Variants in PDS5A observed in about 807,000 individuals in gnomAD.
PDS5A encodes sister chromatid cohesion protein PDS5 homolog A.
In PDS5A, 42 loss-of-function variants were observed where a neutral mutation model predicts 167.1. The observed-to-expected ratio is 0.25, with a 90% CI of 0.20 to 0.33. PDS5A has a LOEUF of 0.33. PDS5A is among the 10% of genes least tolerant of loss of function. The pLI, the probability that PDS5A is intolerant of heterozygous loss-of-function variation, is 1.00. For synonymous variants in PDS5A, 553 were observed against 554.6 expected (o/e 1.00, Z 0.04); for missense variants, 1,033 against 1,605.9 (o/e 0.64, Z 6.10).
rs2109692108 is a variant in PDS5A, at chr4:39,913,849, TATC to T, written c.877-126_877-124del. ...GCTTATAACTGTGAGAAGTTTAAAATATCATATGTCCTCACTTACTATGCAGAA... is the reference window on the plus strand; with the variant it reads ...GCTTATAACTGTGAGAAGTTTAAAATATATGTCCTCACTTACTATGCAGAA... On this transcript the variant is annotated intron_variant, in intron 8 of 32. Coordinates refer to ENST00000303538, the MANE Select transcript of PDS5A (RefSeq NM_001100399.2). 18 of 644,624 alleles carry T rather than the reference TATC, an allele frequency of 2.8e-5. No homozygotes were observed. The South Asian group carries it at 3.0e-4, about 11-fold the overall frequency. 39.9% of individuals were successfully genotyped at this position (644,624 alleles called of 1,614,324 possible).
chr4:39,970,623 T>C (rs538139489), intron 2 of PDS5A, among the ~76,000 whole-genome samples: 47 of 151,880 alleles, frequency 3.1e-4, no homozygotes, highest in Non-Finnish European at 2.1e-4. Context: ...TATGGCGTTA[T>C]TGCCCCTGCC....
chr4:39,891,672 A>C (rs550667046), intron 16 of PDS5A, among the ~76,000 whole-genome samples: 25 of 130,134 alleles, frequency 1.9e-4, no homozygotes. Context: ...ACATATTCGT[A>C]CATATATATA....
chr4:39,929,931 G>A (rs1725855880), intron 2 of PDS5A, among the ~76,000 whole-genome samples: 1 of 150,928 alleles, frequency 6.6e-6, no homozygotes, highest in Non-Finnish European at 1.5e-5. Flanking sequence ...AAAAAATTTG[G>A]GGGGCCGGGC....
chr4:39,946,285 G>C (rs1265655437), intron 2 of PDS5A, among the ~76,000 whole-genome samples: 3 of 151,644 alleles, frequency 2.0e-5, no homozygotes, highest in Non-Finnish European at 4.4e-5. Flanking sequence ...GTGGGAAAAA[G>C]GCAGATGGAA....
Position 39,904,032 on chromosome 4 carries a change from A to C in PDS5A, c.1385+8T>G. ...CACTCAACCATTCTACCAACATATT[A>C]AACTCACTTGTCGTCAATGCTGTTC... On this transcript the variant is annotated splice_region_variant and intron_variant, in intron 12 of 32. Transcript: ENST00000303538. The C allele has an allele frequency of 6.4e-7, 1 of 1,566,922 alleles. No individual in the cohort carries two copies. Among genetic ancestry groups the C allele is most frequent in the Non-Finnish European group, 8.7e-7 (1 of 1,153,926 alleles).
chr4:39,970,803 T>C (rs1560529158), intron 2 of PDS5A, among the ~76,000 whole-genome samples: 2 of 147,336 alleles, frequency 1.4e-5, no homozygotes, highest in East Asian at 2.0e-4. Flanking sequence ...TTTTTTTTTT[T>C]TTTTTTTTTT....
chr4:39,911,004 T>C (rs755747539), intron 9 of PDS5A, among the ~76,000 whole-genome samples: 2 of 151,982 alleles, frequency 1.3e-5, no homozygotes, highest in Non-Finnish European at 2.9e-5. Flanking sequence ...CGTGGAGGCA[T>C]TCCCCTGTAG....
intron 8 of PDS5A, among the ~76,000 whole-genome samples, chr4:39,915,429 G>A (rs945616533): frequency 3.4e-5 from 5 of 146,550 alleles, no homozygotes; most frequent in Admixed American, 2.1e-4. Flanking sequence ...GAGCAACCTC[G>A]GTTCACTATA....
intron 26 of PDS5A, among the ~76,000 whole-genome samples, chr4:39,854,175 T>C (rs1047688117): frequency 7.2e-5 from 11 of 152,172 alleles, no homozygotes; most frequent in African/African-American, 2.4e-4. Flanking sequence ...TCGTGGTGCA[T>C]GCCTGTAGTC....
At chr4:39,837,822 A>T (rs138725256) in intron 32 of PDS5A, 34 bp downstream of exon 32, 1 of 1,499,866 alleles carries the variant, frequency 6.7e-7, no homozygotes, top group African/African-American at 1.4e-5. Flanking sequence ...CAAAATGTCT[A>T]AATTCCCACT....
chr4:39,901,112 T>C (rs1427086141), intron 13 of PDS5A, among the ~76,000 whole-genome samples: 1 of 152,188 alleles, frequency 6.6e-6, no homozygotes, highest in Non-Finnish European at 1.5e-5. Context: ...CCAGATGACC[T>C]CTGAGAATTA....
chr4:39,973,251 T>C, intron 2 of PDS5A: 1 of 1,452,620 alleles, frequency 6.9e-7, no homozygotes, highest in South Asian at 1.1e-5. Context: ...CTCTCGAGCA[T>C]ATGAACATTT....
Position 39,902,331 on chromosome 4 carries a change from T to C in PDS5A, c.1499+16A>G, listed in dbSNP as rs757625453. 4 of 1,158,968 alleles carry C rather than the reference T, an allele frequency of 3.5e-6. No homozygotes were observed. Among genetic ancestry groups the C allele is most frequent in the South Asian group, 2.7e-5 (2 of 73,604 alleles). The allele number at this position is 1,158,968 out of a possible 1,614,324, so 71.8% of individuals were successfully genotyped here. A position where few individuals can be genotyped will look rare whatever the true frequency, so the allele number is the denominator to read the frequency against. On this transcript the variant is annotated intron_variant, in intron 13 of 32. Transcript: ENST00000303538. The stretch of plus-strand genomic sequence containing the variant: ...AATCCTTAGAAAATACAGCAGTTAT[T>C]TGAAAAGTAACTTACTTTACAGCAT...
chr4:39,897,133 C>G (rs541468195), intron 16 of PDS5A, among the ~76,000 whole-genome samples: 1 of 152,190 alleles, frequency 6.6e-6, no homozygotes, highest in Admixed American at 6.5e-5. Flanking sequence ...GTGGCTCATG[C>G]CTGTAACCCC....
At chr4:39,866,572 CTTGT>C (rs771831495) in intron 23 of PDS5A, among the ~76,000 whole-genome samples, 65 of 152,288 alleles carry the variant, frequency 4.3e-4, no homozygotes, top group Non-Finnish European at 7.6e-4. Flanking sequence ...TTAACAAATA[CTTGT>C]TTAATTGAAC....
intron 19 of PDS5A, among the ~76,000 whole-genome samples, chr4:39,874,837 C>T (rs1293004156): frequency 6.6e-6 from 1 of 152,030 alleles, no homozygotes; most frequent in Non-Finnish European, 1.5e-5. Flanking sequence ...TATTAAACAG[C>T]TGAAATAATA....
chr4:39,850,983 T>C (rs928291799), intron 26 of PDS5A, among the ~76,000 whole-genome samples: 1 of 152,220 alleles, frequency 6.6e-6, no homozygotes, highest in Non-Finnish European at 1.5e-5. Context: ...TTCCACATAA[T>C]TGTTTTAAGA....
chr4:39,879,978 C>T (rs925825044), intron 17 of PDS5A, 145 bp from the exon 18 acceptor site: 2 of 509,628 alleles, frequency 3.9e-6, no homozygotes, highest in Non-Finnish European at 3.5e-6. Context: ...TTGTCCTCTA[C>T]TTGATAACTA....
At chr4:39,838,983 T>C (rs984833438) in intron 31 of PDS5A, among the ~76,000 whole-genome samples, 2 of 152,022 alleles carry the variant, frequency 1.3e-5, no homozygotes, top group African/African-American at 4.8e-5. Flanking sequence ...AGCAAAACTC[T>C]GTCTTGGGGG....
Sources: allele counts gnomAD v4.1 joint callset (sites outside exome capture counted in the v4.1 genomes callset), GRCh38; gene constraint gnomAD v4.1.1; transcripts MANE v1.5; gene names NCBI Gene and HGNC (gene_info 2026-07-23, HGNC 2026-07-21).